SORCS1: variants seen among roughly 807,000 people sequenced by gnomAD.
SORCS1 encodes the protein sortilin related VPS10 domain containing receptor 1.
SORCS1 carries 60 observed loss-of-function variants against 146.1 expected under a neutral mutation model. That is an observed-to-expected ratio of 0.41 (90% CI 0.33 to 0.51). The LOEUF is 0.51. Ranked by LOEUF, SORCS1 falls within the 20% of genes least tolerant of loss-of-function variation. SORCS1 has a pLI of 0.21. For missense variants in SORCS1, 1,352 were observed against 1,487.6 expected (o/e 0.91, Z 1.50); for synonymous variants, 637 against 584.0 (o/e 1.09, Z -1.31).
intron 17 of SORCS1, among the ~76,000 whole-genome samples, chr10:106,656,219 T>C (rs1238502936): frequency 2.0e-5 from 3 of 152,198 alleles, no homozygotes; most frequent in African/African-American, 7.2e-5. Flanking sequence ...CTACCCTCTT[T>C]GACTTTGCTT....
At chr10:106,577,779 T>C (rs17120955) in intron 25 of SORCS1, 40,972 of 733,706 alleles carry the variant, frequency 0.056, 2,244 homozygotes, top group East Asian at 0.25. Context: ...GGGTGAATGC[T>C]TCTCTGGACT....
chr10:106,640,819 A>G (rs1284547481), intron 18 of SORCS1, among the ~76,000 whole-genome samples: 1 of 152,216 alleles, frequency 6.6e-6, no homozygotes, highest in East Asian at 1.9e-4. Flanking sequence ...GTCTCAGTGC[A>G]AAACACCTTC....
At chr10:106,638,907 T>C (rs1213877522) in intron 18 of SORCS1, among the ~76,000 whole-genome samples, 2 of 152,330 alleles carry the variant, frequency 1.3e-5, no homozygotes, top group East Asian at 1.9e-4. Flanking sequence ...ATGATCCTAA[T>C]TGTCACTTCC....
intron 17 of SORCS1, among the ~76,000 whole-genome samples, chr10:106,660,749 CA>C (rs200384139): frequency 0.024 from 1,931 of 80,700 alleles, 25 homozygotes; most frequent in African/African-American, 0.041. Context: ...GACTCCGTCT[CA>C]AAAAAAAAAA....
chr10:107,090,771 AT>A (rs969612834), intron 1 of SORCS1, among the ~76,000 whole-genome samples: 37 of 152,204 alleles, frequency 2.4e-4, no homozygotes, highest in African/African-American at 8.7e-4. Flanking sequence ...TGATAAGCAG[AT>A]TTCTGAAAGG....
At chr10:107,140,798 G>A (rs1411535942) in intron 1 of SORCS1, among the ~76,000 whole-genome samples, 1 of 152,158 alleles carries the variant, frequency 6.6e-6, no homozygotes, top group Non-Finnish European at 1.5e-5. Context: ...TTACATGCAT[G>A]ATCTCTTGTA....
chr10:107,048,545 G>T (rs895895277), intron 1 of SORCS1, among the ~76,000 whole-genome samples: 6 of 152,140 alleles, frequency 3.9e-5, no homozygotes, highest in African/African-American at 9.7e-5. Context: ...TGTGATATTT[G>T]CAAAGTAAAT....
At chr10:107,044,827 A>C (rs183828301) in intron 1 of SORCS1, among the ~76,000 whole-genome samples, 1,528 of 151,640 alleles carry the variant, frequency 0.01, 32 homozygotes, top group African/African-American at 0.035. Flanking sequence ...AAAAAAAAAA[A>C]AAAAAAAAAG....
chr10:107,136,807 T>C lies in SORCS1; in HGVS notation c.558+27162A>G, dbSNP rs564735248. Among the ~76,000 whole-genome samples the C allele has an allele frequency of 2.0e-5, 3 of 152,214 alleles. No individual in the cohort carries two copies. In the East Asian group the frequency reaches 5.8e-4, roughly 29 times the overall value. Reference sequence around the variant, plus strand: ...TATGTGATCTCCGGTTTCACATTCGTAGCTAATTCGGTCTACACTGACAGC... The same window carrying C: ...TATGTGATCTCCGGTTTCACATTCGCAGCTAATTCGGTCTACACTGACAGC... On this transcript the variant is annotated intron_variant, in intron 1 of 25. Coordinates refer to ENST00000263054, the MANE Select transcript of SORCS1 (RefSeq NM_052918.5).
At chr10:106,755,643 A>G (rs2136213231) in intron 5 of SORCS1, among the ~76,000 whole-genome samples, 1 of 151,716 alleles carries the variant, frequency 6.6e-6, no homozygotes, top group Admixed American at 6.6e-5. Flanking sequence ...ATTTCCTCCA[A>G]CCTTGAACCA....
chr10:107,034,667 C>T (rs1028820060), intron 1 of SORCS1, among the ~76,000 whole-genome samples: 34 of 63,876 alleles, frequency 5.3e-4, no homozygotes, highest in African/African-American at 1.4e-3. Flanking sequence ...GAAACATGAG[C>T]GAAACTCCAT....
intron 2 of SORCS1, among the ~76,000 whole-genome samples, chr10:106,950,033 T>G (rs1381432971): frequency 6.6e-6 from 1 of 152,212 alleles, no homozygotes; most frequent in East Asian, 1.9e-4. Context: ...TAAGCTTATC[T>G]TGTACCAATA....
intron 17 of SORCS1, among the ~76,000 whole-genome samples, chr10:106,653,086 C>A (rs1018148166): frequency 6.6e-6 from 1 of 152,160 alleles, no homozygotes; most frequent in Non-Finnish European, 1.5e-5. Flanking sequence ...TCTACTCAGT[C>A]TTTCATGAGA....
intron 2 of SORCS1, among the ~76,000 whole-genome samples, chr10:106,869,429 A>G (rs759224511): frequency 2.0e-5 from 3 of 152,218 alleles, no homozygotes; most frequent in African/African-American, 4.8e-5. Context: ...ATGAATATCA[A>G]TGGAAAAATC....
intron 1 of SORCS1, among the ~76,000 whole-genome samples, chr10:107,146,576 T>G (rs1446071966): frequency 6.6e-6 from 1 of 152,116 alleles, no homozygotes; most frequent in Admixed American, 6.5e-5. Context: ...ATGTCAGGTA[T>G]ACACCAGGTA....
chr10:107,175,073 T>C, the SORCS1 span, among the ~76,000 whole-genome samples: 1 of 152,368 alleles, frequency 6.6e-6, no homozygotes, highest in Middle Eastern at 3.4e-3. Flanking sequence ...AATTATCAAA[T>C]GTGAAGCTAA....
At chr10:106,973,731 G>T (rs371801000) in intron 1 of SORCS1, among the ~76,000 whole-genome samples, 3 of 152,168 alleles carry the variant, frequency 2.0e-5, no homozygotes, top group Non-Finnish European at 2.9e-5. Context: ...TGCCCCACAG[G>T]CTGCTCATTT....
At chr10:106,869,932 C>A (rs1030512688) in intron 2 of SORCS1, among the ~76,000 whole-genome samples, 1 of 151,934 alleles carries the variant, frequency 6.6e-6, no homozygotes, top group African/African-American at 2.4e-5. Flanking sequence ...TGATTCTATA[C>A]GTAGAAAACC....
intron 19 of SORCS1, among the ~76,000 whole-genome samples, chr10:106,627,064 T>C (rs908586370): frequency 3.9e-5 from 6 of 152,218 alleles, no homozygotes; most frequent in Admixed American, 6.5e-5. Context: ...TTAGAAGGGT[T>C]TCCGCAGCCC....
Sources: allele counts gnomAD v4.1 joint callset (sites outside exome capture counted in the v4.1 genomes callset), GRCh38; gene constraint gnomAD v4.1.1; transcripts MANE v1.5; gene names NCBI Gene and HGNC (gene_info 2026-07-23, HGNC 2026-07-21).